Variants in PKNOX2 observed in about 807,000 individuals in gnomAD.
PKNOX2 encodes the protein homeobox protein PKNOX2.
Under a neutral mutation model 53.1 loss-of-function variants are expected in PKNOX2, and 14 were observed. That is an observed-to-expected ratio of 0.26 (90% CI 0.17 to 0.41). PKNOX2 has a LOEUF of 0.41. PKNOX2 is among the 10% of genes least tolerant of loss of function. PKNOX2 has a pLI of 1.00. For missense variants in PKNOX2, 496 were observed against 602.8 expected, an observed-to-expected ratio of 0.82 and a Z score of 1.85; for synonymous variants, 257 against 242.8, an observed-to-expected ratio of 1.06 and a Z score of -0.54.
At chr11:125,288,262 A>G (rs149537081) in intron 2 of PKNOX2, 1 of 152,392 alleles carries the variant, frequency 6.6e-6, no homozygotes, top group Non-Finnish European at 1.5e-5. Flanking sequence ...CAGGCTGCAC[A>G]TGAGAATCAG....
chr11:125,231,204 G>A (rs1942177993), intron 1 of PKNOX2, among the ~76,000 whole-genome samples: 2 of 152,144 alleles, frequency 1.3e-5, no homozygotes, highest in Admixed American at 6.5e-5. Context: ...CAGACCTATG[G>A]CTTTGCTAAA....
intron 4 of PKNOX2, among the ~76,000 whole-genome samples, chr11:125,367,165 AATAG>A (rs1264369731): frequency 6.6e-6 from 1 of 152,262 alleles, no homozygotes; most frequent in East Asian, 1.9e-4. Context: ...TAGAAAATCT[AATAG>A]ATAATATTAA....
intron 1 of PKNOX2, among the ~76,000 whole-genome samples, chr11:125,195,992 T>C (rs1373925382): frequency 1.3e-5 from 2 of 151,672 alleles, no homozygotes; most frequent in East Asian, 3.9e-4. Flanking sequence ...CTCAGGCCGG[T>C]CCCCTCCCCC....
intron 1 of PKNOX2, among the ~76,000 whole-genome samples, chr11:125,170,436 A>G (rs906936931): frequency 6.6e-6 from 1 of 152,126 alleles, no homozygotes; most frequent in Non-Finnish European, 1.5e-5. Context: ...TTGAGAGAGC[A>G]ACAGTTGGAG....
chr11:125,337,526 G>A (rs112883792), intron 3 of PKNOX2, among the ~76,000 whole-genome samples: 56 of 152,202 alleles, frequency 3.7e-4, no homozygotes, highest in African/African-American at 1.2e-3. Flanking sequence ...CCTTGTTTCC[G>A]ATCTTGCAAT....
chr11:125,374,105 C>T (rs554350278), intron 5 of PKNOX2, among the ~76,000 whole-genome samples: 5 of 152,180 alleles, frequency 3.3e-5, no homozygotes, highest in Non-Finnish European at 7.4e-5. Context: ...TTTGAGAGAA[C>T]TCTTCCACCC....
chr11:125,341,871 A>G (rs923528128), intron 3 of PKNOX2, among the ~76,000 whole-genome samples: 1 of 152,228 alleles, frequency 6.6e-6, no homozygotes, highest in Admixed American at 6.5e-5. Context: ...TCCCTTCCCC[A>G]GGGCTGGCTT....
chr11:125,320,383 G>A (rs914181959), intron 2 of PKNOX2, among the ~76,000 whole-genome samples: 3 of 152,094 alleles, frequency 2.0e-5, no homozygotes, highest in Admixed American at 6.5e-5. Context: ...CCCTAGGATC[G>A]GTGAGACCAG....
chr11:125,280,100 TC>T (rs1946448695), intron 2 of PKNOX2, among the ~76,000 whole-genome samples: 1 of 146,634 alleles, frequency 6.8e-6, no homozygotes, highest in Non-Finnish European at 1.5e-5. Flanking sequence ...GGATTTTTTT[TC>T]CTTTTTTTTT....
intron 4 of PKNOX2, among the ~76,000 whole-genome samples, chr11:125,360,348 A>C (rs75785684): frequency 0.036 from 5,499 of 152,238 alleles, 115 homozygotes; most frequent in East Asian, 0.092. Context: ...GATTCAGAGG[A>C]GAAATCTAGC....
intron 4 of PKNOX2, among the ~76,000 whole-genome samples, chr11:125,353,483 G>A (rs929746232): frequency 6.6e-6 from 1 of 152,190 alleles, no homozygotes; most frequent in African/African-American, 2.4e-5. Context: ...GGGATGGATG[G>A]AGGTGGGCTG....
intron 2 of PKNOX2, among the ~76,000 whole-genome samples, chr11:125,296,755 C>T (rs186739037): frequency 6.6e-6 from 1 of 152,314 alleles, no homozygotes; most frequent in East Asian, 1.9e-4. Flanking sequence ...CCTGCTTCAG[C>T]CTCCCAAGTA....
chr11:125,222,632 T>TATGTGTGTGC (rs1565472847), intron 1 of PKNOX2, among the ~76,000 whole-genome samples: 45 of 142,844 alleles, frequency 3.2e-4, no homozygotes, highest in African/African-American at 1.3e-3. Flanking sequence ...TATGTGTGTG[T>TATGTGTGTGC]GTATGTGTGT....
chr11:125,280,695 A>G (rs538514572), intron 2 of PKNOX2, among the ~76,000 whole-genome samples: 2 of 152,302 alleles, frequency 1.3e-5, no homozygotes, highest in African/African-American at 4.8e-5. Context: ...GTTACCGTTC[A>G]GTGCTCTCCA....
At position 125,189,419 on chromosome 11, in the gene PKNOX2, G is replaced by GTA. The variant is rs1277612431; in HGVS notation, c.-201+24644_-201+24645insAT. On this transcript the variant is annotated intron_variant, in intron 1 of 12. Transcript: ENST00000298282. ...TATATGTGTGTATATATATATGTGTGTGTGTGTGTGTGTGTGTGTGTGTGT... is the reference window on the plus strand; with the variant it reads ...TATATGTGTGTATATATATATGTGTGTATGTGTGTGTGTGTGTGTGTGTGTGT... Among the ~76,000 whole-genome samples, 143 of 40,190 alleles carry GTA rather than the reference G, an allele frequency of 3.6e-3. 6 individuals are homozygous for GTA. The East Asian group carries it at 0.057, about 16-fold the overall frequency. 26.4% of individuals were successfully genotyped at this position (40,190 alleles called of 152,430 possible).
intron 2 of PKNOX2, among the ~76,000 whole-genome samples, chr11:125,316,844 C>T (rs1949227680): frequency 6.6e-6 from 1 of 152,164 alleles, no homozygotes; most frequent in Non-Finnish European, 1.5e-5. Context: ...TAAAATAAGA[C>T]AACAATGAAG....
intron 2 of PKNOX2, among the ~76,000 whole-genome samples, chr11:125,302,851 T>C (rs906687194): frequency 1.3e-5 from 2 of 152,190 alleles, no homozygotes; most frequent in African/African-American, 2.4e-5. Flanking sequence ...AGTCAGGCAA[T>C]ACCTGAGCTG....
In PKNOX2 at chr11:125,367,851, G is replaced by A. The variant is rs373748561; in HGVS notation, c.93G>A (p.Thr31=). 1.1e-4 allele frequency: 173 copies of A among 1,610,862 alleles called. No homozygotes were observed. The African/African-American group carries it at 1.9e-3, about 17-fold the overall frequency. Residue 31 remains threonine, a synonymous_variant, in exon 5 of 13, where the codon ACG becomes ACA. Transcript: ENST00000298282. The part of the protein sequence containing the change: ...PPPYQDSPQM[T]ATAQPPSKAQ... ...CCCCTTTCTTCTCTCTGCAGATGAC[G>A]GCAACCGCCCAGCCACCCTCCAAGG...
chr11:125,429,494 G>A (rs971347613), intron 11 of PKNOX2, among the ~76,000 whole-genome samples: 4 of 152,182 alleles, frequency 2.6e-5, no homozygotes, highest in Admixed American at 6.5e-5. Flanking sequence ...AGCTGGGAGT[G>A]GGGAGAGGGA....
Sources: allele counts gnomAD v4.1 joint callset (sites outside exome capture counted in the v4.1 genomes callset), GRCh38; gene constraint gnomAD v4.1.1; transcripts MANE v1.5; gene names NCBI Gene and HGNC (gene_info 2026-07-23, HGNC 2026-07-21).